Variants in POTEC observed in about 807,000 individuals in gnomAD.
POTEC encodes the protein ANKRD26-like family B member 2.
Under a neutral mutation model 62.0 loss-of-function variants are expected in POTEC, and 35 were observed. That is an observed-to-expected ratio of 0.56 (90% confidence interval 0.43 to 0.75). POTEC has a LOEUF of 0.75. Ranked by LOEUF, POTEC falls within the 30% of genes least tolerant of loss-of-function variation. The probability of loss-of-function intolerance (pLI) is 0.00; values close to 1 mark genes in which losing one functional copy is unlikely to be tolerated. For synonymous variants in POTEC, 156 were observed against 221.5 expected (o/e 0.70, Z 2.62); for missense variants, 472 against 655.9 (o/e 0.72, Z 3.06).
intron 9 of POTEC, 72 bp from the exon 10 acceptor site, chr18:14,513,857 A>G: frequency 6.3e-7 from 1 of 1,596,194 alleles, no homozygotes; most frequent in South Asian, 1.1e-5. Flanking sequence ...AGATGGCACC[A>G]TCAGATGTCA....
chr18:14,524,383 T>C (rs1202188466), intron 7 of POTEC, among the ~76,000 whole-genome samples: 14 of 152,136 alleles, frequency 9.2e-5, no homozygotes, highest in Non-Finnish European at 4.4e-5. Flanking sequence ...TGACTGACAA[T>C]ATAAAACTGC....
chr18:14,526,908 G>A (rs1381809569), intron 6 of POTEC, among the ~76,000 whole-genome samples: 3 of 152,100 alleles, frequency 2.0e-5, no homozygotes, highest in Non-Finnish European at 4.4e-5. Context: ...CAAGGTGACA[G>A]CTAGCTCATG....
At chr18:14,522,533 A>C in intron 8 of POTEC, 113 bp from the exon 9 acceptor site, 2 of 1,517,172 alleles carry the variant, frequency 1.3e-6, no homozygotes, top group Non-Finnish European at 1.8e-6. Flanking sequence ...CATTAAAAAT[A>C]TCTCACACTT....
At chr18:14,540,131 T>C (rs572277929) in intron 1 of POTEC, among the ~76,000 whole-genome samples, 1 of 152,154 alleles carries the variant, frequency 6.6e-6, no homozygotes, top group African/African-American at 2.4e-5. Context: ...CTATATATAA[T>C]GAAAGATAAT....
chr18:14,537,111 T>A (rs1905743502), intron 3 of POTEC, among the ~76,000 whole-genome samples: 1 of 145,390 alleles, frequency 6.9e-6, no homozygotes, highest in East Asian at 2.0e-4. Context: ...AAACTGTCAT[T>A]CTCTAAAATG....
intron 8 of POTEC, among the ~76,000 whole-genome samples, 185 bp from the exon 9 acceptor site, chr18:14,522,605 T>C (rs1408484927): frequency 6.6e-6 from 1 of 152,176 alleles, no homozygotes; most frequent in Admixed American, 6.5e-5. Flanking sequence ...ATCATGTCAT[T>C]AGTATATCAT....
rs781777877 is a variant in POTEC at position 14,542,968 on chromosome 18, T to C, written c.179A>G (p.Lys60Arg). The C allele has an allele frequency of 1.9e-6, 3 of 1,573,394 alleles. No individual in the cohort carries two copies. Among genetic ancestry groups the C allele is most frequent in the Non-Finnish European group, 8.6e-7 (1 of 1,156,786 alleles). The change falls in exon 1 of 11, where the codon AAG becomes AGG. Residue 60 changes from lysine (K) to arginine (R), a missense_variant. By Grantham distance (26) the Lys-to-Arg change is conservative. Around this residue, in one of 5 missense-constraint regions of POTEC, gnomAD observed 257 missense variants for 250.7 expected, o/e 1.03. Transcript: ENST00000358970. ...GCAGTGGTGGCAACACTTGCCCATC[T>C]TGCTCCTGAGCATCTTCATAAAGGA... ...DDSFMKMLRSKMGKCCHHCFP... is the reference protein window; with the variant it reads ...DDSFMKMLRSRMGKCCHHCFP...
intron 10 of POTEC, 126 bp from the exon 11 acceptor site, chr18:14,512,119 G>GA (rs1910025264): frequency 6.9e-6 from 5 of 721,924 alleles, no homozygotes; most frequent in East Asian, 3.1e-5. Context: ...TATTTAACTG[G>GA]AAAAAAGTTG....
intron 7 of POTEC, among the ~76,000 whole-genome samples, chr18:14,524,480 C>A (rs1487939985): frequency 2.0e-5 from 3 of 152,008 alleles, no homozygotes; most frequent in Admixed American, 1.3e-4. Flanking sequence ...AGTTCTATTG[C>A]TTAATAATAT....
chr18:14,519,147 C>CAGAG (rs776227443), intron 9 of POTEC, among the ~76,000 whole-genome samples: 1,796 of 149,992 alleles, frequency 0.012, 22 homozygotes, highest in Non-Finnish European at 0.019. Flanking sequence ...TGTGAGGTGT[C>CAGAG]AGAGAGAGAG....
chr18:14,541,135 T>C (rs1371527824), intron 1 of POTEC, among the ~76,000 whole-genome samples: 1 of 152,162 alleles, frequency 6.6e-6, no homozygotes, highest in Non-Finnish European at 1.5e-5. Flanking sequence ...GTGATCCACC[T>C]GCCTTGGCCT....
At position 14,533,214 on chromosome 18, in the gene POTEC, T is replaced by A; in HGVS notation, c.918-16A>T. The A allele has an allele frequency of 1.9e-6, 3 of 1,603,786 alleles. No individual in the cohort carries two copies. Among genetic ancestry groups the A allele is most frequent in the Non-Finnish European group, 2.5e-6 (3 of 1,177,176 alleles). ...GAGGGCAGTTCTAAAATTACAGAGA[T>A]AATTTCTCCTTTAGGAACTGTAATA... On this transcript the variant is annotated splice_polypyrimidine_tract_variant and intron_variant, in intron 4 of 10. Coordinates refer to ENST00000358970, the MANE Select transcript of POTEC (RefSeq NM_001137671.2).
intron 1 of POTEC, among the ~76,000 whole-genome samples, chr18:14,540,055 A>G (rs1905880249): frequency 6.6e-6 from 1 of 151,198 alleles, no homozygotes. Context: ...TATATTTGCT[A>G]TTTTAGTTTT....
chr18:14,522,192 C>A (rs1164077732), intron 9 of POTEC, 62 bp downstream of exon 9: 14 of 1,603,354 alleles, frequency 8.7e-6, no homozygotes, highest in Non-Finnish European at 1.2e-5. Flanking sequence ...GAATATTAGC[C>A]CAAATTAGGA....
rs1385226630 is a variant in POTEC, at chr18:14,510,938, G to C, written c.*960C>G. 6.6e-6 allele frequency: 1 copy of C among 152,284 alleles called. No homozygotes were observed. Among genetic ancestry groups the C allele is most frequent in the Non-Finnish European group, 1.5e-5 (1 of 68,104 alleles). 9.4% of individuals were successfully genotyped at this position (152,284 alleles called of 1,614,324 possible). The stretch of plus-strand genomic sequence containing the variant: ...AGGCCTGAAACCTCTGTGAGCCAGA[G>C]AACAGCAGTGAAGGTGGCTGGAGAC... On this transcript the variant is annotated 3_prime_UTR_variant, in exon 11 of 11. Transcript: ENST00000358970.
intron 9 of POTEC, among the ~76,000 whole-genome samples, chr18:14,519,665 C>T (rs751982543): frequency 1.1e-4 from 16 of 151,642 alleles, no homozygotes; most frequent in Non-Finnish European, 2.1e-4. Flanking sequence ...TGTAGTGAGC[C>T]GAGATCACAC....
At chr18:14,530,758 T>C (rs1663595581) in intron 5 of POTEC, among the ~76,000 whole-genome samples, 1 of 152,166 alleles carries the variant, frequency 6.6e-6, no homozygotes, top group Non-Finnish European at 1.5e-5. Flanking sequence ...GAAATGCTCA[T>C]AAATCAAGGG....
At chr18:14,531,808 G>C (rs557960988) in intron 5 of POTEC, 1 of 151,880 alleles carries the variant, frequency 6.6e-6, no homozygotes, top group East Asian at 2.0e-4. Context: ...CACATGATTT[G>C]TGATGAGTCA....
chr18:14,528,190 T>C (rs1910488079), intron 6 of POTEC: 2 of 152,210 alleles, frequency 1.3e-5, no homozygotes, highest in Admixed American at 6.5e-5. Flanking sequence ...TAACCCATTT[T>C]ACACCATAAG....
Sources: allele counts gnomAD v4.1 joint callset (sites outside exome capture counted in the v4.1 genomes callset), GRCh38; gene constraint gnomAD v4.1.1; regional missense constraint gnomAD v4.1.1; transcripts MANE v1.5; gene names NCBI Gene and HGNC (gene_info 2026-07-23, HGNC 2026-07-21).